Variants in KIF26B observed in about 807,000 individuals in gnomAD.
KIF26B encodes kinesin family member 26B.
KIF26B carries 63 observed loss-of-function variants against 151.2 expected under a neutral mutation model. The observed-to-expected ratio is 0.42, with a 90% confidence interval of 0.34 to 0.51. KIF26B has a LOEUF of 0.51. Ranked by LOEUF, KIF26B falls within the 20% of genes least tolerant of loss-of-function variation. The pLI, the probability that KIF26B is intolerant of heterozygous loss-of-function variation, is 0.07. For synonymous variants in KIF26B, 1,357 were observed against 1,262.1 expected (o/e 1.08, Z -1.59); for missense variants, 2,813 against 2,913.6 (o/e 0.97, Z 0.79).
intron 12 of KIF26B, among the ~76,000 whole-genome samples, chr1:245,689,019 G>A (rs12736269): frequency 2.0e-5 from 3 of 152,220 alleles, no homozygotes; most frequent in Admixed American, 6.5e-5. Context: ...CCCACGGCCC[G>A]GCACCCCGCG....
At position 245,563,282 on chromosome 1, in the gene KIF26B, T is replaced by C. The variant is rs149092663; in HGVS notation, c.1350+22332T>C. ...AACCTGTTTCCACCCATTTCCCTTA[T>C]TCACTAAACAACCCGTTTCCACCCA... On this transcript the variant is annotated intron_variant, in intron 5 of 14. Coordinates refer to ENST00000407071, the MANE Select transcript of KIF26B (RefSeq NM_018012.4). This position sits in a 1 kb window ranked among gnomAD's most constrained non-coding sequence, Gnocchi z 4.6. Among the ~76,000 whole-genome samples the C allele has an allele frequency of 3.1e-3, 479 of 152,318 alleles. 2 individuals are homozygous for C. The highest frequency in any genetic ancestry group is 5.2e-3 in the Non-Finnish European group (351 of 68,018).
rs1268401950 is a variant in KIF26B at position 245,702,100 on chromosome 1, C to G, written c.6179-358C>G. Among the ~76,000 whole-genome samples the G allele has an allele frequency of 1.4e-5, 1 of 72,790 alleles. No individual in the cohort carries two copies. 47.8% of individuals were successfully genotyped at this position (72,790 alleles called of 152,430 possible). On this transcript the variant is annotated intron_variant, in intron 14 of 14. Coordinates refer to ENST00000407071, the MANE Select transcript of KIF26B (RefSeq NM_018012.4). This position sits in a 1 kb window ranked among gnomAD's most constrained non-coding sequence, Gnocchi z 4.1. ...CAAAAGGGAGGGACTCTCCCCACCT[C>G]AACTTGAATTATTTACTTGATTGAT...
At chr1:245,351,263 G>C (rs924081654) in intron 2 of KIF26B, among the ~76,000 whole-genome samples, 13 of 152,134 alleles carry the variant, frequency 8.5e-5, no homozygotes, top group African/African-American at 2.9e-4. Context: ...GGCCCTTTTT[G>C]GTCCTGTTTT....
chr1:245,212,094 C>T (rs777769355), intron 2 of KIF26B, among the ~76,000 whole-genome samples: 3 of 152,182 alleles, frequency 2.0e-5, no homozygotes, highest in African/African-American at 2.4e-5. Flanking sequence ...AGACCCTTCC[C>T]GACAACACTG....
In KIF26B at chr1:245,561,131, C is replaced by T. The variant is rs112339863; in HGVS notation, c.1350+20181C>T. 9.3e-4 allele frequency among the ~76,000 whole-genome samples: 141 copies of T among 152,320 alleles called. 2 individuals are homozygous for T. Among genetic ancestry groups the T allele is most frequent in the African/African-American group, 3.3e-3 (137 of 41,566 alleles). On this transcript the variant is annotated intron_variant, in intron 5 of 14. Coordinates refer to ENST00000407071, the MANE Select transcript of KIF26B (RefSeq NM_018012.4). ...TCAGCCTATGGGTGGCTGTTTATCA[C>T]GAGGGGCATTAGACAGACAGGAGGC...
At chr1:245,551,632 G>A (rs566199559) in intron 5 of KIF26B, among the ~76,000 whole-genome samples, 6 of 152,274 alleles carry the variant, frequency 3.9e-5, no homozygotes, top group East Asian at 1.9e-4. Flanking sequence ...GCATGTCCAC[G>A]CCACGCGACC....
intron 2 of KIF26B, among the ~76,000 whole-genome samples, chr1:245,229,144 T>A (rs112263681): frequency 0.025 from 3,807 of 151,864 alleles, 162 homozygotes; most frequent in African/African-American, 0.088. Flanking sequence ...TTTTTAAAAA[T>A]TTTTTTTAGT....
rs533030014 is a variant in KIF26B at position 245,350,051 on chromosome 1, A to AT, written c.466-16774dup. Among the ~76,000 whole-genome samples, 885 of 141,166 alleles carry AT rather than the reference A, an allele frequency of 6.3e-3. 8 individuals are homozygous for AT. The highest frequency in any genetic ancestry group is 0.022 in the African/African-American group (820 of 36,582). 92.6% of individuals were successfully genotyped at this position (141,166 alleles called of 152,430 possible). On this transcript the variant is annotated intron_variant, in intron 2 of 14. Transcript: ENST00000407071. Reference sequence around the variant, plus strand: ...AAGTGCAGAGAGTATATATATATATATTTTTTTTTCATAAATACTTGCACA... The same window carrying AT: ...AAGTGCAGAGAGTATATATATATATATTTTTTTTTTCATAAATACTTGCACA...
chr1:245,585,483 G>A (rs34098108), intron 5 of KIF26B, among the ~76,000 whole-genome samples: 23,006 of 151,784 alleles, frequency 0.15, 2,007 homozygotes, highest in Non-Finnish European at 0.19. Context: ...TAATTAATAC[G>A]TGATCCTGAG....
At chr1:245,548,523 T>C (rs576899236) in intron 5 of KIF26B, among the ~76,000 whole-genome samples, 48 of 152,262 alleles carry the variant, frequency 3.2e-4, no homozygotes, top group Non-Finnish European at 5.4e-4. Flanking sequence ...GGAAACAGTG[T>C]CCACATTCCT....
chr1:245,231,177 A>ATTGTG (rs1669988282), intron 2 of KIF26B, among the ~76,000 whole-genome samples: 1 of 152,162 alleles, frequency 6.6e-6, no homozygotes, highest in Non-Finnish European at 1.5e-5. Flanking sequence ...AACACACAAA[A>ATTGTG]TTGAAGTTGA....
At chr1:245,386,601 T>A (rs1475404040) in intron 3 of KIF26B, among the ~76,000 whole-genome samples, 1 of 152,126 alleles carries the variant, frequency 6.6e-6, no homozygotes, top group African/African-American at 2.4e-5. Flanking sequence ...GTGGCGTAGG[T>A]AAACACAGCA....
intron 9 of KIF26B, among the ~76,000 whole-genome samples, chr1:245,629,002 G>A (rs760984685): frequency 2.6e-5 from 4 of 152,064 alleles, no homozygotes; most frequent in East Asian, 3.8e-4. Flanking sequence ...ATTCACCATC[G>A]CTACAAAGAG....
chr1:245,385,607 G>T (rs1237119412), intron 3 of KIF26B, among the ~76,000 whole-genome samples: 1 of 152,214 alleles, frequency 6.6e-6, no homozygotes, highest in Non-Finnish European at 1.5e-5. Flanking sequence ...GCGTGGAGCT[G>T]TCATGAGAAT....
At chr1:245,635,547 G>A (rs1469788981) in intron 9 of KIF26B, among the ~76,000 whole-genome samples, 2 of 151,808 alleles carry the variant, frequency 1.3e-5, no homozygotes, top group Admixed American at 6.6e-5. Flanking sequence ...AAATTTTGTT[G>A]ATCTTCTCAA....
rs953176837 is a variant in KIF26B at position 245,684,528 on chromosome 1, C to T, written c.2421+133C>T. ...AGGAGATGTGACTTGGAGCTGACAA[C>T]ACGTGGCTCAGGGTCCACTTTGGGG... On this transcript the variant is annotated intron_variant, in intron 11 of 14. Transcript: ENST00000407071. 5.1e-6 allele frequency: 5 copies of T among 974,356 alleles called. No homozygotes were observed. The South Asian group carries it at 8.7e-5, about 17-fold the overall frequency. 60.4% of individuals were successfully genotyped at this position (974,356 alleles called of 1,614,324 possible).
chr1:245,208,398 C>T (rs777634212), intron 2 of KIF26B, among the ~76,000 whole-genome samples: 30 of 152,116 alleles, frequency 2.0e-4, no homozygotes, highest in Non-Finnish European at 2.5e-4. Flanking sequence ...ACAAGTTGGT[C>T]ATTTTCAGGG....
At chr1:245,418,529 G>T (rs1658371524) in intron 3 of KIF26B, among the ~76,000 whole-genome samples, 1 of 152,186 alleles carries the variant, frequency 6.6e-6, no homozygotes, top group Non-Finnish European at 1.5e-5. Context: ...CTACTCTTAG[G>T]GCTCGCTGGC....
chr1:245,619,474 T>A (rs1320902453), intron 9 of KIF26B, among the ~76,000 whole-genome samples: 1 of 152,190 alleles, frequency 6.6e-6, no homozygotes, highest in Non-Finnish European at 1.5e-5. Context: ...GGCAGGTGCC[T>A]ATAATCCCAG....
Sources: allele counts gnomAD v4.1 joint callset (sites outside exome capture counted in the v4.1 genomes callset), GRCh38; gene constraint gnomAD v4.1.1; non-coding constraint Gnocchi (gnomAD v3.1); transcripts MANE v1.5; gene names NCBI Gene and HGNC (gene_info 2026-07-23, HGNC 2026-07-21).